Variants in SOBP observed in about 807,000 individuals in gnomAD.
The protein encoded by SOBP is sine oculis-binding protein homolog.
Under a neutral mutation model 53.6 loss-of-function variants are expected in SOBP, and 4 were observed. The observed-to-expected ratio is 0.07, with a 90% CI of 0.04 to 0.17. The LOEUF (loss-of-function observed/expected upper bound fraction) is 0.17, where lower values mean the gene tolerates loss of function less well. Ranked by LOEUF, SOBP falls within the 10% of genes least tolerant of loss-of-function variation. The probability of loss-of-function intolerance (pLI) is 1.00; values close to 1 mark genes in which losing one functional copy is unlikely to be tolerated. For missense variants in SOBP, 1,088 were observed against 1,204.7 expected (o/e 0.90, Z 1.43); for synonymous variants, 584 against 522.6 (o/e 1.12, Z -1.60).
intron 3 of SOBP, 36 bp downstream of exon 3, chr6:107,506,463 C>T (rs1782996197): frequency 1.2e-6 from 2 of 1,608,242 alleles, no homozygotes; most frequent in Admixed American, 1.7e-5. Context: ...GATAACAATT[C>T]ATAGAAAGTT....
At chr6:107,532,269 A>ACACACG (rs1783851402) in intron 3 of SOBP, among the ~76,000 whole-genome samples, 1 of 145,314 alleles carries the variant, frequency 6.9e-6, no homozygotes, top group Non-Finnish European at 1.5e-5. Context: ...ACACACACAC[A>ACACACG]CACCACACAC....
intron 5 of SOBP, among the ~76,000 whole-genome samples, chr6:107,597,610 T>C (rs2115076897): frequency 6.6e-6 from 1 of 152,338 alleles, no homozygotes; most frequent in South Asian, 2.1e-4. Flanking sequence ...AATTTAATGT[T>C]TATATATGAA....
intron 4 of SOBP, among the ~76,000 whole-genome samples, chr6:107,555,998 G>A (rs9400125): frequency 0.059 from 8,993 of 152,276 alleles, 495 homozygotes; most frequent in East Asian, 0.24. Flanking sequence ...GGGGTAAGAG[G>A]ATTTGGAAAC....
chr6:107,581,878 T>G (rs1229001758), intron 4 of SOBP, among the ~76,000 whole-genome samples: 1 of 152,190 alleles, frequency 6.6e-6, no homozygotes, highest in Non-Finnish European at 1.5e-5. Flanking sequence ...GAGCTGTTTT[T>G]GGTGTTCTTA....
chr6:107,573,214 C>T (rs1198765078), intron 4 of SOBP, among the ~76,000 whole-genome samples: 2 of 152,128 alleles, frequency 1.3e-5, no homozygotes, highest in Non-Finnish European at 2.9e-5. Context: ...TAAAATTCCT[C>T]CAGCCTTTGG....
chr6:107,490,704 G>A lies in SOBP; in HGVS notation c.88G>A (p.Glu30Lys). The change falls in exon 1 of 7, where the codon GAG (glutamate) becomes AAG (lysine). Residue 30 changes from glutamate to lysine, a missense_variant. Physicochemically the swap from Glu to Lys is moderately conservative, Grantham distance 56. Coordinates refer to ENST00000317357, the MANE Select transcript of SOBP (RefSeq NM_018013.4). Reference protein sequence around the residue: ...AHPVKREINEEMKNFAENTMN... With the variant: ...AHPVKREINEKMKNFAENTMN... ...CCCAGTGAAAAGGGAGATCAATGAG[G>A]AGATGAAGGTATTTTTTGATCTCGG... The A allele has an allele frequency of 6.2e-7, 1 of 1,602,730 alleles. No homozygotes were observed. The highest frequency in any genetic ancestry group is 1.3e-5 in the African/African-American group (1 of 74,748).
chr6:107,636,263 T>A (rs1304834063), intron 6 of SOBP: 7 of 154,926 alleles, frequency 4.5e-5, no homozygotes, highest in Admixed American at 4.4e-4. Context: ...GTGGCATTGC[T>A]AAAGTGAGTG....
At position 107,578,073 on chromosome 6, in the gene SOBP, CAA is replaced by C. The variant is rs11362582; in HGVS notation, c.574-8986_574-8985del. ...TGGGCTACAGAGCAAGACTCTGTCT[CAA>C]AAAAAAAAAAAAAAAAAAAAGAAGA... is the stretch of plus-strand genomic sequence containing the variant. On this transcript the variant is annotated intron_variant, in intron 4 of 6. Transcript: ENST00000317357. 4.2e-3 allele frequency among the ~76,000 whole-genome samples: 366 copies of C among 87,474 alleles called. 6 individuals carry two copies. The East Asian group carries it at 0.083, about 20-fold the overall frequency. 57.4% of individuals were successfully genotyped at this position (87,474 alleles called of 152,430 possible). A position where few individuals can be genotyped will look rare whatever the true frequency, so the allele number is the denominator to read the frequency against.
At chr6:107,557,191 G>T (rs1010384664) in intron 4 of SOBP, among the ~76,000 whole-genome samples, 4 of 151,986 alleles carry the variant, frequency 2.6e-5, no homozygotes, top group African/African-American at 9.7e-5. Context: ...TAAAACTGAG[G>T]TATAGAAAAT....
intron 4 of SOBP, among the ~76,000 whole-genome samples, chr6:107,580,076 C>T (rs568053878): frequency 2.6e-5 from 4 of 152,270 alleles, no homozygotes; most frequent in Admixed American, 6.5e-5. Flanking sequence ...AGACAGTCTT[C>T]GACAAGCAGG....
chr6:107,517,063 A>G (rs1783342169), intron 3 of SOBP, among the ~76,000 whole-genome samples: 1 of 152,218 alleles, frequency 6.6e-6, no homozygotes, highest in Admixed American at 6.5e-5. Context: ...AGTTCAAACA[A>G]TCTTGAAGAA....
chr6:107,632,671 T>G (rs1770767778), intron 5 of SOBP, among the ~76,000 whole-genome samples: 1 of 152,218 alleles, frequency 6.6e-6, no homozygotes, highest in East Asian at 1.9e-4. Context: ...GATTTCCAAT[T>G]GGGAAAAGCT....
rs966857134 is a variant in SOBP at position 107,635,571 on chromosome 6, G to C, written c.*3+102G>C. ...TTGTAATTATAGTCATGATTTTACC[G>C]TGTGTGTTTTATATTGCACACGGTG... On this transcript the variant is annotated intron_variant, in intron 6 of 6. Transcript: ENST00000317357. This position sits in a 1 kb window ranked among gnomAD's most constrained non-coding sequence, Gnocchi z 4.5. 9 of 1,516,368 alleles carry C rather than the reference G, an allele frequency of 5.9e-6. No homozygotes were observed. The African/African-American group carries it at 6.8e-5, about 12-fold the overall frequency. 93.9% of individuals were successfully genotyped at this position (1,516,368 alleles called of 1,614,324 possible). A position where few individuals can be genotyped will look rare whatever the true frequency, so the allele number is the denominator to read the frequency against.
chr6:107,594,872 C>T (rs929446296), intron 5 of SOBP, among the ~76,000 whole-genome samples: 1 of 152,198 alleles, frequency 6.6e-6, no homozygotes, highest in Non-Finnish European at 1.5e-5. Flanking sequence ...GCAGGAGGCC[C>T]AGTGAGCAGG....
At chr6:107,527,302 A>C (rs749273876) in intron 3 of SOBP, among the ~76,000 whole-genome samples, 6 of 152,372 alleles carry the variant, frequency 3.9e-5, no homozygotes, top group East Asian at 1.9e-4. Context: ...AATTCAAGTT[A>C]AGTACTTTTT....
At chr6:107,592,833 C>T (rs1785806709) in intron 5 of SOBP, among the ~76,000 whole-genome samples, 1 of 152,140 alleles carries the variant, frequency 6.6e-6, no homozygotes, top group African/African-American at 2.4e-5. Flanking sequence ...GTGGTTATTC[C>T]TGTATTCCCG....
intron 4 of SOBP, among the ~76,000 whole-genome samples, chr6:107,565,214 A>T (rs925592631): frequency 6.6e-6 from 1 of 152,226 alleles, no homozygotes; most frequent in Admixed American, 6.5e-5. Context: ...GTGATATTTA[A>T]TGAAGCAAAA....
At chr6:107,623,713 G>A (rs1333790867) in intron 5 of SOBP, among the ~76,000 whole-genome samples, 1 of 152,168 alleles carries the variant, frequency 6.6e-6, no homozygotes, top group Non-Finnish European at 1.5e-5. Context: ...TGAAACTCTA[G>A]ACAAGTAGTT....
intron 3 of SOBP, among the ~76,000 whole-genome samples, chr6:107,512,624 A>G (rs1427952725): frequency 6.6e-6 from 1 of 152,246 alleles, no homozygotes; most frequent in Admixed American, 6.5e-5. Flanking sequence ...CACCTTGTCA[A>G]CTTCTGGTCA....
Sources: gnomAD v4.1 joint callset for allele counts (sites outside exome capture counted in the v4.1 genomes callset) on GRCh38, gnomAD v4.1.1 for gene constraint, Gnocchi (gnomAD v3.1) non-coding constraint, MANE v1.5 for transcripts, NCBI Gene and HGNC (gene_info 2026-07-23, HGNC 2026-07-21) for gene names.